Variants in KCNH7 observed in about 807,000 individuals in gnomAD.
KCNH7 encodes the protein potassium voltage-gated channel subfamily H member 7.
In KCNH7, 49 loss-of-function variants were observed where a neutral mutation model predicts 120.8. The observed-to-expected ratio is 0.41, with a 90% CI of 0.32 to 0.51. The LOEUF is 0.51. KCNH7 is among the 20% of genes least tolerant of loss of function. The pLI is 0.38. For synonymous variants in KCNH7, 547 were observed against 516.1 expected (o/e 1.06, Z -0.81); for missense variants, 1,097 against 1,446.6 (o/e 0.76, Z 3.92).
intron 2 of KCNH7, among the ~76,000 whole-genome samples, chr2:162,698,475 C>G (rs1466779624): frequency 1.3e-5 from 2 of 148,508 alleles, no homozygotes; most frequent in Non-Finnish European, 3.0e-5. Flanking sequence ...TTTTTTCAGG[C>G]TTATTAATAT....
chr2:162,782,182 C>T (rs1683520802), intron 2 of KCNH7, among the ~76,000 whole-genome samples: 1 of 152,122 alleles, frequency 6.6e-6, no homozygotes, highest in South Asian at 2.1e-4. Flanking sequence ...GTAAACAAAA[C>T]AGATGAAATT....
At chr2:162,545,399 C>T (rs1279402161) in intron 2 of KCNH7, among the ~76,000 whole-genome samples, 1 of 152,150 alleles carries the variant, frequency 6.6e-6, no homozygotes. Flanking sequence ...TGCTCCCTCC[C>T]TATTTCAAAG....
At chr2:162,433,782 A>G (rs1688147488) in intron 8 of KCNH7, among the ~76,000 whole-genome samples, 1 of 152,068 alleles carries the variant, frequency 6.6e-6, no homozygotes, top group Admixed American at 6.6e-5. Flanking sequence ...GCTTGAGGGA[A>G]ATATAAATTA....
chr2:162,677,366 A>C (rs1416872955), intron 2 of KCNH7, among the ~76,000 whole-genome samples: 1 of 151,452 alleles, frequency 6.6e-6, no homozygotes, highest in Non-Finnish European at 1.5e-5. Context: ...TTTTATCAAC[A>C]GCCAAATTAA....
Position 162,512,678 on chromosome 2 carries a change from T to C in KCNH7, c.893-4A>G. On this transcript the variant is annotated splice_polypyrimidine_tract_variant and splice_region_variant and intron_variant, in intron 4 of 15. Transcript: ENST00000332142. The stretch of plus-strand genomic sequence containing the variant: ...CCTTTGACATTGCGACCATTGTCTG[T>C]TTTGAGCACATAAGGATAAAAAAAG... The C allele has an allele frequency of 6.2e-7, 1 of 1,607,708 alleles. No homozygotes were observed. Among genetic ancestry groups the C allele is most frequent in the Non-Finnish European group, 8.5e-7 (1 of 1,175,402 alleles).
intron 2 of KCNH7, among the ~76,000 whole-genome samples, chr2:162,807,671 AT>A (rs1161102815): frequency 3.3e-5 from 5 of 151,780 alleles, no homozygotes; most frequent in African/African-American, 9.7e-5. Flanking sequence ...CTTTTCATCC[AT>A]TTTTTGTTTT....
chr2:162,572,149 T>C (rs1391887900), intron 2 of KCNH7, among the ~76,000 whole-genome samples: 2 of 152,104 alleles, frequency 1.3e-5, no homozygotes, highest in African/African-American at 4.8e-5. Flanking sequence ...CCTACTCATC[T>C]GACAAAGGGC....
chr2:162,485,501 T>G (rs554297890), intron 6 of KCNH7, among the ~76,000 whole-genome samples: 1 of 152,306 alleles, frequency 6.6e-6, no homozygotes, highest in South Asian at 2.1e-4. Flanking sequence ...ATACTTGCAG[T>G]GTCCAGTTGC....
At chr2:162,743,909 G>A (rs559401825) in intron 2 of KCNH7, among the ~76,000 whole-genome samples, 17 of 151,956 alleles carry the variant, frequency 1.1e-4, no homozygotes, top group African/African-American at 4.1e-4. Context: ...TGGGTAAAAC[G>A]GAATAACCAC....
At chr2:162,813,537 A>G (rs1051795906) in intron 2 of KCNH7, among the ~76,000 whole-genome samples, 4 of 152,172 alleles carry the variant, frequency 2.6e-5, no homozygotes, top group South Asian at 2.1e-4. Flanking sequence ...TCTCCCAATT[A>G]TTGCTGGGGA....
chr2:162,536,692 T>A (rs189023173), intron 3 of KCNH7, among the ~76,000 whole-genome samples: 1 of 152,142 alleles, frequency 6.6e-6, no homozygotes, highest in African/African-American at 2.4e-5. Context: ...CCATCAGGTG[T>A]CAGGGGACTG....
intron 2 of KCNH7, among the ~76,000 whole-genome samples, chr2:162,755,065 T>G (rs1284051742): frequency 4.6e-5 from 7 of 152,196 alleles, no homozygotes; most frequent in Non-Finnish European, 8.8e-5. Context: ...CAGTTTTTTC[T>G]CTAGAACAAC....
At chr2:162,758,279 T>G (rs1439985224) in intron 2 of KCNH7, among the ~76,000 whole-genome samples, 1 of 152,090 alleles carries the variant, frequency 6.6e-6, no homozygotes, top group Non-Finnish European at 1.5e-5. Flanking sequence ...ATATAAACAT[T>G]GGGCAGGACC....
At chr2:162,820,944 T>C (rs898165410) in intron 2 of KCNH7, among the ~76,000 whole-genome samples, 1 of 152,232 alleles carries the variant, frequency 6.6e-6, no homozygotes, top group Non-Finnish European at 1.5e-5. Flanking sequence ...TATTAGAATG[T>C]TAATAACTTG....
chr2:162,676,305 G>T (rs1312465481), intron 2 of KCNH7, among the ~76,000 whole-genome samples: 2 of 151,526 alleles, frequency 1.3e-5, no homozygotes, highest in Non-Finnish European at 3.0e-5. Flanking sequence ...TGAAAGTTAT[G>T]AAGTAATCTC....
chr2:162,544,565 G>A (rs192866420), intron 2 of KCNH7, among the ~76,000 whole-genome samples: 1 of 152,198 alleles, frequency 6.6e-6, no homozygotes, highest in East Asian at 1.9e-4. Flanking sequence ...CAGAATGCTT[G>A]GGTTCCAATT....
rs193098388 is a variant in KCNH7, at chr2:162,737,338, T to C, written c.307+99199A>G. 6.6e-5 allele frequency among the ~76,000 whole-genome samples: 10 copies of C among 152,102 alleles called. No individual in the cohort carries two copies. The East Asian group carries it at 1.9e-3, about 30-fold the overall frequency. On this transcript the variant is annotated intron_variant, in intron 2 of 15. Coordinates refer to ENST00000332142, the MANE Select transcript of KCNH7 (RefSeq NM_033272.4). ...ATAGATCAGAAGAGAGAGAGTAGCCTTGCAAAACACAAGGCCAGAAGGAGC... is the reference window on the plus strand; with the variant it reads ...ATAGATCAGAAGAGAGAGAGTAGCCCTGCAAAACACAAGGCCAGAAGGAGC...
chr2:162,631,793 C>T (rs1200482442), intron 2 of KCNH7, among the ~76,000 whole-genome samples: 1 of 151,940 alleles, frequency 6.6e-6, no homozygotes, highest in Non-Finnish European at 1.5e-5. Context: ...AGTAGAGAAA[C>T]TAACAGAGGA....
In KCNH7 at chr2:162,517,705, C is replaced by T. The variant is rs745319121; in HGVS notation, c.892+25G>A. The T allele has an allele frequency of 4.0e-6, 6 of 1,516,220 alleles. No homozygotes were observed. The East Asian group carries it at 9.2e-5, about 23-fold the overall frequency. 93.9% of individuals were successfully genotyped at this position (1,516,220 alleles called of 1,614,324 possible). Reference sequence around the variant, plus strand: ...ATTTATTACCCATTAATATATGTTTCCATTTAAAAAAAAATCAAACATACC... The same window carrying T: ...ATTTATTACCCATTAATATATGTTTTCATTTAAAAAAAAATCAAACATACC... On this transcript the variant is annotated intron_variant, in intron 4 of 15. Coordinates refer to ENST00000332142, the MANE Select transcript of KCNH7 (RefSeq NM_033272.4).
Sources: allele counts gnomAD v4.1 joint callset (sites outside exome capture counted in the v4.1 genomes callset), GRCh38; gene constraint gnomAD v4.1.1; transcripts MANE v1.5; gene names NCBI Gene and HGNC (gene_info 2026-07-23, HGNC 2026-07-21).